Variants in WDR70 observed in about 807,000 individuals in gnomAD.
WDR70 encodes WD repeat domain 70.
In WDR70, 53 loss-of-function variants were observed where a neutral mutation model predicts 88.6. The ratio of observed to expected loss-of-function variants is 0.60; its 90% CI spans 0.48 to 0.75. The LOEUF (loss-of-function observed/expected upper bound fraction) is 0.75, where lower values mean the gene tolerates loss of function less well. WDR70 is among the 30% of genes least tolerant of loss of function. The pLI is 0.00. For missense variants in WDR70, 610 were observed against 823.2 expected, an observed-to-expected ratio of 0.74 and a Z score of 3.17; for synonymous variants, 280 against 270.0, an observed-to-expected ratio of 1.04 and a Z score of -0.36.
chr5:37,499,618 T>TCTCC (rs989091362), intron 8 of WDR70, among the ~76,000 whole-genome samples: 2 of 149,946 alleles, frequency 1.3e-5, no homozygotes, highest in African/African-American at 5.0e-5. Context: ...TCTCTCTCTC[T>TCTCC]CTCTCTCTCT....
chr5:37,649,938 T>C (rs1392821131), intron 10 of WDR70, among the ~76,000 whole-genome samples: 1 of 135,088 alleles, frequency 7.4e-6, no homozygotes, highest in Non-Finnish European at 1.6e-5. Context: ...GGGGTTTCAC[T>C]GTGTTAGCCA....
intron 17 of WDR70, among the ~76,000 whole-genome samples, chr5:37,738,080 C>T (rs1748356964): frequency 6.7e-6 from 1 of 150,174 alleles, no homozygotes; most frequent in South Asian, 2.1e-4. Context: ...AGCTCTTCAC[C>T]AAAAAAAGGA....
intron 5 of WDR70, among the ~76,000 whole-genome samples, chr5:37,408,922 T>A (rs1490341950): frequency 6.6e-6 from 1 of 152,128 alleles, no homozygotes; most frequent in Non-Finnish European, 1.5e-5. Context: ...GTCAGAGTAT[T>A]AACATGCATG....
chr5:37,485,574 A>G (rs1739835811), intron 8 of WDR70, among the ~76,000 whole-genome samples: 1 of 152,232 alleles, frequency 6.6e-6, no homozygotes, highest in South Asian at 2.1e-4. Context: ...TGCCTTACAG[A>G]GAAAATAGAT....
At chr5:37,623,068 C>T (rs1162477298) in intron 10 of WDR70, among the ~76,000 whole-genome samples, 3 of 152,048 alleles carry the variant, frequency 2.0e-5, no homozygotes, top group African/African-American at 4.8e-5. Context: ...GGGATATAGG[C>T]AAAAGTTATG....
intron 10 of WDR70, among the ~76,000 whole-genome samples, chr5:37,644,021 T>C (rs1215153331): frequency 1.3e-5 from 2 of 152,092 alleles, no homozygotes; most frequent in East Asian, 1.9e-4. Flanking sequence ...CAGTATTACA[T>C]TGAATAACAG....
At chr5:37,524,166 G>A (rs949775775) in intron 9 of WDR70, among the ~76,000 whole-genome samples, 1 of 152,086 alleles carries the variant, frequency 6.6e-6, no homozygotes, top group Non-Finnish European at 1.5e-5. Context: ...GCAACTCCAA[G>A]ACACATAATT....
rs529554677 is a variant in WDR70, at chr5:37,472,148, G to A, written c.687-7686G>A. 1.3e-4 allele frequency among the ~76,000 whole-genome samples: 19 copies of A among 151,876 alleles called. No individual in the cohort carries two copies. In the East Asian group the frequency reaches 3.1e-3, roughly 25 times the overall value. ...AAGTTTAAATACAAATTTTGTTAAAGTACAATTTGTATGCAAGATTTTGCC... is the reference window on the plus strand; with the variant it reads ...AAGTTTAAATACAAATTTTGTTAAAATACAATTTGTATGCAAGATTTTGCC... On this transcript the variant is annotated intron_variant, in intron 7 of 17. Transcript: ENST00000265107.
chr5:37,459,165 A>C (rs1441568473), intron 7 of WDR70, among the ~76,000 whole-genome samples: 1 of 69,036 alleles, frequency 1.4e-5, no homozygotes, highest in Non-Finnish European at 3.1e-5. Flanking sequence ...CCTGAGTTCT[A>C]GTTTGATTGC....
intron 9 of WDR70, among the ~76,000 whole-genome samples, chr5:37,518,730 C>T (rs188972788): frequency 8.5e-5 from 12 of 140,540 alleles, no homozygotes; most frequent in East Asian, 6.2e-4. Flanking sequence ...GGGTGTTTCT[C>T]GGAGAGGGGG....
At chr5:37,439,140 G>C (rs1056613273) in intron 6 of WDR70, among the ~76,000 whole-genome samples, 8 of 151,828 alleles carry the variant, frequency 5.3e-5, no homozygotes, top group Non-Finnish European at 1.0e-4. Context: ...GGATGGTCTC[G>C]ATCTGCTGAC....
At chr5:37,713,682 C>A (rs1747579141) in intron 13 of WDR70, among the ~76,000 whole-genome samples, 1 of 152,016 alleles carries the variant, frequency 6.6e-6, no homozygotes, top group African/African-American at 2.4e-5. Context: ...AAAAAGAGAA[C>A]TTGATTTGTA....
intron 9 of WDR70, among the ~76,000 whole-genome samples, chr5:37,562,256 C>G (rs1316247050): frequency 6.6e-6 from 1 of 151,970 alleles, no homozygotes; most frequent in Non-Finnish European, 1.5e-5. Context: ...ACTTGGGAGG[C>G]TAAGGCGCAA....
intron 7 of WDR70, among the ~76,000 whole-genome samples, chr5:37,475,628 A>G (rs1321191370): frequency 6.6e-6 from 1 of 152,176 alleles, no homozygotes; most frequent in South Asian, 2.1e-4. Flanking sequence ...ATGTTTTTAC[A>G]TTCTTTTAAT....
chr5:37,707,947 AAATATATATATATATATAT>A (rs1747401173), intron 13 of WDR70, among the ~76,000 whole-genome samples: 1 of 19,716 alleles, frequency 5.1e-5, no homozygotes, highest in Non-Finnish European at 8.6e-5. Context: ...AAAAAAAAAA[AAATATATATATATATATAT>A]ATATATATAT....
Position 37,517,766 on chromosome 5 carries a change from C to T in WDR70, c.917+1176C>T, listed in dbSNP as rs921971887. On this transcript the variant is annotated intron_variant, in intron 9 of 17. Coordinates refer to ENST00000265107, the MANE Select transcript of WDR70 (RefSeq NM_018034.4). Reference sequence around the variant, plus strand: ...ATAGCCATGCAATGCATAATAATCACATCATGTAAAATGGGTATCCATCTC... The same window carrying T: ...ATAGCCATGCAATGCATAATAATCATATCATGTAAAATGGGTATCCATCTC... 1.2e-4 allele frequency among the ~76,000 whole-genome samples: 18 copies of T among 151,246 alleles called. 1 individual carries two copies. The highest frequency in any genetic ancestry group is 1.3e-4 in the Admixed American group (2 of 15,166).
At chr5:37,712,860 C>T (rs1747551811) in intron 13 of WDR70, among the ~76,000 whole-genome samples, 1 of 152,014 alleles carries the variant, frequency 6.6e-6, no homozygotes, top group East Asian at 1.9e-4. Flanking sequence ...CACTACCATG[C>T]CCAGCTAATT....
At chr5:37,392,676 G>A (rs1472185677) in intron 4 of WDR70, among the ~76,000 whole-genome samples, 1 of 151,940 alleles carries the variant, frequency 6.6e-6, no homozygotes, top group Non-Finnish European at 1.5e-5. Context: ...ATGGAATCTC[G>A]CTCTTTCGCC....
At chr5:37,506,576 A>T (rs747122553) in intron 8 of WDR70, 119 of 774,524 alleles carry the variant, frequency 1.5e-4, no homozygotes, top group Non-Finnish European at 2.6e-4. Context: ...TCCCTCCAAC[A>T]TTTAATGTTA....
Sources: allele counts gnomAD v4.1 joint callset (sites outside exome capture counted in the v4.1 genomes callset), GRCh38; gene constraint gnomAD v4.1.1; transcripts MANE v1.5; gene names NCBI Gene and HGNC (gene_info 2026-07-23, HGNC 2026-07-21).